SMPDL3A: variants seen among roughly 807,000 people sequenced by gnomAD.
SMPDL3A encodes sphingomyelin phosphodiesterase acid like 3A, also known as cyclic GMP-AMP phosphodiesterase SMPDL3A.
In SMPDL3A, 39 loss-of-function variants were observed where a neutral mutation model predicts 38.5. That is an observed-to-expected ratio of 1.01 (90% CI 0.78 to 1.32). The LOEUF (loss-of-function observed/expected upper bound fraction) is 1.32. SMPDL3A is among the 40% of genes most tolerant of loss of function. The probability of loss-of-function intolerance (pLI) is 0.00; values close to 1 mark genes in which losing one functional copy is unlikely to be tolerated. For synonymous variants in SMPDL3A, 180 were observed against 194.3 expected, an observed-to-expected ratio of 0.93 and a Z score of 0.61; for missense variants, 502 against 536.2, an observed-to-expected ratio of 0.94 and a Z score of 0.63.
At chr6:122,808,774 C>G (rs894777539) in intron 7 of SMPDL3A, among the ~76,000 whole-genome samples, 1 of 151,768 alleles carries the variant, frequency 6.6e-6, no homozygotes, top group African/African-American at 2.4e-5. Context: ...CTCCGCCTCC[C>G]GGGTTCAAGC....
intron 6 of SMPDL3A, among the ~76,000 whole-genome samples, chr6:122,805,832 A>G (rs1481197513): frequency 6.6e-6 from 1 of 152,130 alleles, no homozygotes; most frequent in Non-Finnish European, 1.5e-5. Context: ...TGACCTAGTG[A>G]TCTGCCCGCC....
intron 2 of SMPDL3A, among the ~76,000 whole-genome samples, 166 bp from the exon 3 acceptor site, chr6:122,796,658 A>G (rs1781256303): frequency 6.6e-6 from 1 of 152,132 alleles, no homozygotes; most frequent in Non-Finnish European, 1.5e-5. Context: ...TTATAGGATT[A>G]TCTGTAGGGT....
chr6:122,803,902 G>A (rs1781508326), intron 5 of SMPDL3A, 69 bp downstream of exon 5: 12 of 1,305,664 alleles, frequency 9.2e-6, no homozygotes, highest in Non-Finnish European at 1.3e-5. Flanking sequence ...ATTAAACTCG[G>A]GGTAGACTCC....
chr6:122,795,821 A>G lies in SMPDL3A; in HGVS notation c.257A>G (p.Gln86Arg). ...GATGTTCTGTGTGATTCTCCATATCAACTTATTTTGTCAGCATTTGATTTT... is the reference window on the plus strand; with the variant it reads ...GATGTTCTGTGTGATTCTCCATATCGACTTATTTTGTCAGCATTTGATTTT... ...FGDVLCDSPY[Q>R]LILSAFDFIK... Residue 86 changes from glutamine (Q) to arginine (R), a missense_variant, in exon 2 of 8, where the codon CAA (glutamine) becomes CGA (arginine). Coordinates refer to ENST00000368440, the MANE Select transcript of SMPDL3A (RefSeq NM_006714.5). The G allele has an allele frequency of 1.9e-6, 3 of 1,614,146 alleles. No homozygotes were observed. Among genetic ancestry groups the G allele is most frequent in the Non-Finnish European group, 2.5e-6 (3 of 1,180,002 alleles).
chr6:122,803,846 G>T lies in SMPDL3A; in HGVS notation c.738+13G>T. 2 of 1,608,816 alleles carry T rather than the reference G, an allele frequency of 1.2e-6. No homozygotes were observed. Among genetic ancestry groups the T allele is most frequent in the Non-Finnish European group, 1.7e-6 (2 of 1,177,884 alleles). ...GAATAAGGAGAAGGTAGATCCCATA[G>T]ACCAAAACCATCTGGGAATAAACGG... is the stretch of plus-strand genomic sequence containing the variant. On this transcript the variant is annotated intron_variant, in intron 5 of 7. Coordinates refer to ENST00000368440, the MANE Select transcript of SMPDL3A (RefSeq NM_006714.5).
Position 122,809,519 on chromosome 6 carries a change from C to T in SMPDL3A, c.*111C>T, listed in dbSNP as rs947768965. On this transcript the variant is annotated 3_prime_UTR_variant, in exon 8 of 8. Coordinates refer to ENST00000368440, the MANE Select transcript of SMPDL3A (RefSeq NM_006714.5). ...CTGAGTGGGCAAGTAGACTTCCTGT[C>T]TTTGCTTTCTTTTTTTTTTTCTTTT... is the stretch of plus-strand genomic sequence containing the variant. 2.8e-6 allele frequency: 2 copies of T among 703,256 alleles called. No individual in the cohort carries two copies. Among genetic ancestry groups the T allele is most frequent in the Non-Finnish European group, 4.6e-6 (2 of 432,658 alleles). 43.6% of individuals were successfully genotyped at this position (703,256 alleles called of 1,614,324 possible). A position where few individuals can be genotyped will look rare whatever the true frequency, so the allele number is the denominator to read the frequency against.
intron 3 of SMPDL3A, among the ~76,000 whole-genome samples, chr6:122,797,743 G>A (rs1781298449): frequency 6.6e-6 from 1 of 152,174 alleles, no homozygotes; most frequent in Admixed American, 6.5e-5. Context: ...ACACAGCTAT[G>A]TTTCCATTCA....
intron 1 of SMPDL3A, among the ~76,000 whole-genome samples, chr6:122,793,236 T>C (rs1290291867): frequency 6.6e-6 from 1 of 152,200 alleles, no homozygotes; most frequent in Non-Finnish European, 1.5e-5. Flanking sequence ...TGAGCTTACT[T>C]GGTTCCATAC....
chr6:122,801,233 A>G (rs981744172), intron 3 of SMPDL3A, 77 bp from the exon 4 acceptor site: 3 of 944,564 alleles, frequency 3.2e-6, no homozygotes, highest in South Asian at 1.4e-5. Context: ...CGTAGTAGTC[A>G]GTGCTCAAGT....
At chr6:122,799,092 C>T (rs1167113847) in intron 3 of SMPDL3A, among the ~76,000 whole-genome samples, 1 of 152,122 alleles carries the variant, frequency 6.6e-6, no homozygotes, top group African/African-American at 2.4e-5. Context: ...ATTCTATGTT[C>T]ATGCAGCATA....
intron 7 of SMPDL3A, among the ~76,000 whole-genome samples, chr6:122,808,411 C>A (rs929422063): frequency 6.6e-6 from 1 of 152,108 alleles, no homozygotes; most frequent in African/African-American, 2.4e-5. Context: ...TGAGCTGGTA[C>A]GAGCTGCCTT....
intron 1 of SMPDL3A, among the ~76,000 whole-genome samples, chr6:122,791,164 TTG>T (rs1193842340): frequency 1.3e-5 from 2 of 152,194 alleles, no homozygotes; most frequent in Non-Finnish European, 2.9e-5. Flanking sequence ...CTTTCTTGTT[TTG>T]TGTTTTTGCG....
chr6:122,809,528 C>CT lies in SMPDL3A; in HGVS notation c.*131dup, dbSNP rs57678429. On this transcript the variant is annotated 3_prime_UTR_variant, in exon 8 of 8. Transcript: ENST00000368440. ...CAAGTAGACTTCCTGTCTTTGCTTT[C>CT]TTTTTTTTTTTCTTTTTGATGCCTT... The CT allele has an allele frequency of 0.052, 24,727 of 474,444 alleles. No individual in the cohort carries two copies. The highest frequency in any genetic ancestry group is 0.077 in the Middle Eastern group (120 of 1,558). The allele number at this position is 474,444 out of a possible 1,614,324, so 29.4% of individuals were successfully genotyped here.
chr6:122,799,127 T>G (rs1453191843), intron 3 of SMPDL3A, among the ~76,000 whole-genome samples: 1 of 152,212 alleles, frequency 6.6e-6, no homozygotes, highest in Non-Finnish European at 1.5e-5. Context: ...CATATACAGA[T>G]GCATGTCCCC....
intron 4 of SMPDL3A, among the ~76,000 whole-genome samples, chr6:122,803,180 G>A (rs949643171): frequency 2.0e-5 from 3 of 152,134 alleles, no homozygotes; most frequent in Non-Finnish European, 4.4e-5. Context: ...GTGGAATGAT[G>A]CCTTTAAACC....
chr6:122,804,136 C>T (rs1424926587), intron 5 of SMPDL3A, among the ~76,000 whole-genome samples: 2 of 151,466 alleles, frequency 1.3e-5, no homozygotes, highest in Admixed American at 6.6e-5. Context: ...TACAGGCACC[C>T]ACCACCACGC....
At chr6:122,795,985 C>T in intron 2 of SMPDL3A, 95 bp downstream of exon 2, 2 of 899,838 alleles carry the variant, frequency 2.2e-6, no homozygotes, top group Non-Finnish European at 3.3e-6. Context: ...AGATTAGTTA[C>T]ATTTTAAGAG....
intron 6 of SMPDL3A, among the ~76,000 whole-genome samples, chr6:122,805,737 C>T (rs1322124586): frequency 6.6e-6 from 1 of 152,188 alleles, no homozygotes; most frequent in Non-Finnish European, 1.5e-5. Flanking sequence ...ATTATCCTGC[C>T]TCAGCCTCCC....
At chr6:122,795,117 A>G (rs1781199401) in intron 1 of SMPDL3A, among the ~76,000 whole-genome samples, 1 of 152,154 alleles carries the variant, frequency 6.6e-6, no homozygotes. Context: ...TTGTTAGGTT[A>G]TCATGCTGAT....
Sources: allele counts gnomAD v4.1 joint callset (sites outside exome capture counted in the v4.1 genomes callset), GRCh38; gene constraint gnomAD v4.1.1; transcripts MANE v1.5; gene names NCBI Gene and HGNC (gene_info 2026-07-23, HGNC 2026-07-21).